The following PCDHGA11 variants were observed in gnomAD, a reference collection of about 807,000 sequenced individuals.
PCDHGA11 encodes protocadherin gamma-A11.
Under a neutral mutation model 60.4 loss-of-function variants are expected in PCDHGA11, and 39 were observed. The observed-to-expected ratio is 0.65, with a 90% confidence interval of 0.50 to 0.84. PCDHGA11 has a LOEUF of 0.84. PCDHGA11 is among the 40% of genes least tolerant of loss of function. The pLI, the probability that PCDHGA11 is intolerant of heterozygous loss-of-function variation, is 0.00. For missense variants in PCDHGA11, 1,165 were observed against 1,197.7 expected (o/e 0.97, Z 0.40); for synonymous variants, 533 against 510.3 (o/e 1.04, Z -0.60).
rs1281778338 is a variant in PCDHGA11, at chr5:141,512,281, G to A, written c.*1108G>A. ...TGGGTACTCCAGAGGTGCCACTGGTGGAAGGGTCAGCGGAGCCCCAGCAGG... is the reference window on the plus strand; with the variant it reads ...TGGGTACTCCAGAGGTGCCACTGGTAGAAGGGTCAGCGGAGCCCCAGCAGG... On this transcript the variant is annotated 3_prime_UTR_variant, in exon 4 of 4. Transcript: ENST00000398587. 6.5e-6 allele frequency: 1 copy of A among 152,810 alleles called. No homozygotes were observed. Among genetic ancestry groups the A allele is most frequent in the Non-Finnish European group, 1.5e-5 (1 of 68,178 alleles). The allele number at this position is 152,810 out of a possible 1,614,324, so 9.5% of individuals were successfully genotyped here.
chr5:141,437,512 G>A (rs1201910374), intron 1 of PCDHGA11, among the ~76,000 whole-genome samples: 2 of 152,144 alleles, frequency 1.3e-5, no homozygotes, highest in African/African-American at 2.4e-5. Flanking sequence ...TGAATTATAA[G>A]GCTGATGACA....
At chr5:141,424,841 C>A (rs1303241053) in intron 1 of PCDHGA11, among the ~76,000 whole-genome samples, 1 of 152,126 alleles carries the variant, frequency 6.6e-6, no homozygotes. Context: ...TACATGTTAT[C>A]TGAAGCAATG....
At chr5:141,505,935 C>T (rs2099849264) in intron 3 of PCDHGA11, among the ~76,000 whole-genome samples, 1 of 152,146 alleles carries the variant, frequency 6.6e-6, no homozygotes, top group African/African-American at 2.4e-5. Flanking sequence ...CGCTTGGAAG[C>T]CCTCAAGCAA....
chr5:141,435,290 A>G (rs2097756551), intron 1 of PCDHGA11, among the ~76,000 whole-genome samples: 1 of 152,158 alleles, frequency 6.6e-6, no homozygotes, highest in African/African-American at 2.4e-5. Context: ...ATCCCAAGTC[A>G]TTTCATGGTT....
At chr5:141,452,760 G>C (rs920853226) in intron 1 of PCDHGA11, among the ~76,000 whole-genome samples, 1 of 152,120 alleles carries the variant, frequency 6.6e-6, no homozygotes, top group African/African-American at 2.4e-5. Context: ...AAGGAAGGGA[G>C]GGAGGGAAAA....
At chr5:141,436,256 C>T (rs953463822) in intron 1 of PCDHGA11, among the ~76,000 whole-genome samples, 1 of 152,100 alleles carries the variant, frequency 6.6e-6, no homozygotes, top group South Asian at 2.1e-4. Context: ...TTATTCTGAC[C>T]TCTGCTCACC....
In PCDHGA11 at chr5:141,421,974, C is replaced by T; in HGVS notation, c.747C>T (p.Arg249=). The T allele has an allele frequency of 1.9e-6, 3 of 1,609,644 alleles. No individual in the cohort carries two copies. Among genetic ancestry groups the T allele is most frequent in the African/African-American group, 1.3e-5 (1 of 74,816 alleles). Residue 249 remains arginine, a synonymous_variant, in exon 1 of 4, where the codon CGC becomes CGT. Transcript: ENST00000398587. ...HIPMFTQSVY[R]VSVPENISSG... ...CAATGTTTACACAGTCCGTATATCG[C>T]GTGAGTGTTCCAGAAAACATCAGCT...
rs144222319 is a variant in PCDHGA11, at chr5:141,505,519, C to T, written c.2581+38C>T. ...AGTGTGTGTATGGAAGAGTGGGAGACCTGGGGTTCTGGGGTGCATCTCACA... is the reference window on the plus strand; with the variant it reads ...AGTGTGTGTATGGAAGAGTGGGAGATCTGGGGTTCTGGGGTGCATCTCACA... On this transcript the variant is annotated intron_variant, in intron 3 of 3. Coordinates refer to ENST00000398587, the MANE Select transcript of PCDHGA11 (RefSeq NM_018914.3). The T allele has an allele frequency of 1.5e-3, 2,491 of 1,613,690 alleles. 3 individuals carry two copies. The highest frequency in any genetic ancestry group is 2.6e-3 in the Middle Eastern group (16 of 6,060).
chr5:141,423,203 T>A lies in PCDHGA11; in HGVS notation c.1976T>A (p.Val659Asp), dbSNP rs2096720538. ...DHGQPPLSAT[V>D]TLTVAVADSI... ...GGCCAGCCCCCTCTCTCGGCCACCG[T>A]CACGCTCACCGTGGCTGTGGCCGAC... is the stretch of plus-strand genomic sequence containing the variant. The change falls in exon 1 of 4, where the codon GTC becomes GAC. Residue 659 changes from valine (V) to aspartate (D), a missense_variant. By Grantham distance (152) the Val-to-Asp change is radical. Transcript: ENST00000398587. 1 of 1,613,508 alleles carries A rather than the reference T, an allele frequency of 6.2e-7. No homozygotes were observed. Among genetic ancestry groups the A allele is most frequent in the African/African-American group, 1.3e-5 (1 of 74,956 alleles).
In PCDHGA11 at chr5:141,511,335, A is replaced by T; in HGVS notation, c.*162A>T. 7.0e-7 allele frequency: 1 copy of T among 1,438,820 alleles called. No homozygotes were observed. The highest frequency in any genetic ancestry group is 9.2e-7 in the Non-Finnish European group (1 of 1,083,596). The allele number at this position is 1,438,820 out of a possible 1,614,324, so 89.1% of individuals were successfully genotyped here. A position where few individuals can be genotyped will look rare whatever the true frequency, so the allele number is the denominator to read the frequency against. On this transcript the variant is annotated 3_prime_UTR_variant, in exon 4 of 4. Coordinates refer to ENST00000398587, the MANE Select transcript of PCDHGA11 (RefSeq NM_018914.3). ...AAACAGAAACAAGTGCCCAGTCAGC[A>T]CCTACCCCTTCCCCCCCAGGGGGTT...
At chr5:141,481,813 G>C (rs185558948) in intron 1 of PCDHGA11, among the ~76,000 whole-genome samples, 1 of 151,824 alleles carries the variant, frequency 6.6e-6, no homozygotes, top group African/African-American at 2.4e-5. Flanking sequence ...TTCACCAGGC[G>C]TGGTGGCTGA....
At position 141,437,148 on chromosome 5, in the gene PCDHGA11, A is replaced by T. The variant is rs1196014608; in HGVS notation, c.2433+13488A>T. ...GTTGATAATTTAGGATTCATAATTA[A>T]CATATGTGTTGATTGTTTTCTGAGA... is the stretch of plus-strand genomic sequence containing the variant. On this transcript the variant is annotated intron_variant, in intron 1 of 3. Coordinates refer to ENST00000398587, the MANE Select transcript of PCDHGA11 (RefSeq NM_018914.3). Among the ~76,000 whole-genome samples the T allele has an allele frequency of 2.0e-5, 3 of 152,214 alleles. No individual in the cohort carries two copies. In the East Asian group the frequency reaches 5.8e-4, roughly 29 times the overall value.
chr5:141,507,810 G>A (rs550331241), intron 3 of PCDHGA11, among the ~76,000 whole-genome samples: 1 of 152,290 alleles, frequency 6.6e-6, no homozygotes, highest in African/African-American at 2.4e-5. Context: ...CCTGGGGAAC[G>A]GACCCTGGGG....
chr5:141,496,342 G>A (rs1430202202), intron 2 of PCDHGA11, among the ~76,000 whole-genome samples: 1 of 152,208 alleles, frequency 6.6e-6, no homozygotes, highest in East Asian at 1.9e-4. Context: ...GAGCCTGGAG[G>A]AGTCTCAGAG....
intron 1 of PCDHGA11, chr5:141,430,789 C>A (rs2097310124): frequency 6.6e-7 from 1 of 1,515,808 alleles, no homozygotes; most frequent in Non-Finnish European, 8.8e-7. Context: ...ACCGGGACTA[C>A]AAAGGGCTTG....
At position 141,511,355 on chromosome 5, in the gene PCDHGA11, G is replaced by A; in HGVS notation, c.*182G>A. On this transcript the variant is annotated 3_prime_UTR_variant, in exon 4 of 4. Coordinates refer to ENST00000398587, the MANE Select transcript of PCDHGA11 (RefSeq NM_018914.3). ...TCAGCACCTACCCCTTCCCCCCCAG[G>A]GGGTTGAATATGCAAAAGCAGTTCC... 4 of 1,379,256 alleles carry A rather than the reference G, an allele frequency of 2.9e-6. No individual in the cohort carries two copies. The highest frequency in any genetic ancestry group is 3.9e-6 in the Non-Finnish European group (4 of 1,035,886). 85.4% of individuals were successfully genotyped at this position (1,379,256 alleles called of 1,614,324 possible).
At position 141,423,620 on chromosome 5, in the gene PCDHGA11, C is replaced by G; in HGVS notation, c.2393C>G (p.Ser798Ter). ...KSEPLLIAED[S>*]AIILGKCDPT... is the part of the protein sequence containing the mutation. ...GAGCCACTCTTGATAGCTGAAGACTCAGCTATCATTTTAGGCAAATGTGAC... is the reference window on the plus strand; with the variant it reads ...GAGCCACTCTTGATAGCTGAAGACTGAGCTATCATTTTAGGCAAATGTGAC... Residue 798 changes from serine (S) to a stop codon, truncating the protein, a stop_gained, in exon 1 of 4, where the codon TCA (serine) becomes TGA (stop). Coordinates refer to ENST00000398587, the MANE Select transcript of PCDHGA11 (RefSeq NM_018914.3). LOFTEE classifies it high-confidence loss of function. The G allele has an allele frequency of 6.2e-7, 1 of 1,608,268 alleles. No individual in the cohort carries two copies. The highest frequency in any genetic ancestry group is 8.5e-7 in the Non-Finnish European group (1 of 1,177,144).
Position 141,431,953 on chromosome 5 carries a change from C to G in PCDHGA11, c.2433+8293C>G. 1.2e-6 allele frequency: 2 copies of G among 1,614,082 alleles called. No individual in the cohort carries two copies. Among genetic ancestry groups the G allele is most frequent in the East Asian group, 4.5e-5 (2 of 44,886 alleles). ...TGCCCTTTAAATTAGAAAAATCTTA[C>G]GGAAATTACTATAGTTTAGTCACAG... On this transcript the variant is annotated intron_variant, in intron 1 of 3. Transcript: ENST00000398587. The surrounding 1 kb of genome is among the most constrained non-coding windows in gnomAD (Gnocchi z 4.8).
intron 1 of PCDHGA11, among the ~76,000 whole-genome samples, chr5:141,483,124 G>A (rs1468216170): frequency 6.6e-6 from 1 of 152,154 alleles, no homozygotes; most frequent in East Asian, 1.9e-4. Flanking sequence ...GTCTTTGTAG[G>A]AGATGAGGTG....
Sources: gnomAD v4.1 joint callset for allele counts (sites outside exome capture counted in the v4.1 genomes callset) on GRCh38, gnomAD v4.1.1 for gene constraint, Gnocchi (gnomAD v3.1) non-coding constraint, MANE v1.5 for transcripts, NCBI Gene and HGNC (gene_info 2026-07-23, HGNC 2026-07-21) for gene names.